The following NTRK2 variants were observed in gnomAD, a reference collection of about 807,000 sequenced individuals.
The protein encoded by NTRK2 is BDNF/NT-3 growth factors receptor.
A neutral mutation model predicts 94.5 loss-of-function variants in NTRK2; 13 were observed. That is an observed-to-expected ratio of 0.14 (90% CI 0.09 to 0.22). The LOEUF (loss-of-function observed/expected upper bound fraction) is 0.22, where lower values mean the gene tolerates loss of function less well. Among genes scored for constraint, NTRK2 ranks in the 10% least tolerant of loss-of-function variants. The pLI is 1.00. For missense variants in NTRK2, 639 were observed against 1,071.2 expected, an observed-to-expected ratio of 0.60 and a Z score of 5.63; for synonymous variants, 372 against 407.4, an observed-to-expected ratio of 0.91 and a Z score of 1.05.
At chr9:84,694,085 G>A (rs2060214270) in intron 2 of NTRK2, among the ~76,000 whole-genome samples, 1 of 152,194 alleles carries the variant, frequency 6.6e-6, no homozygotes. Flanking sequence ...TTATCGTGAA[G>A]GTGCTGGATT....
chr9:84,978,019 C>A (rs1032939905), intron 17 of NTRK2, among the ~76,000 whole-genome samples: 3 of 152,182 alleles, frequency 2.0e-5, no homozygotes, highest in Non-Finnish European at 4.4e-5. Flanking sequence ...GCTCTACCAA[C>A]TGGATATTTG....
At chr9:84,905,764 T>C (rs56101711) in intron 14 of NTRK2, among the ~76,000 whole-genome samples, 9,753 of 152,120 alleles carry the variant, frequency 0.064, 945 homozygotes, top group African/African-American at 0.21. Context: ...TAAATTAATA[T>C]AGATCTGAAA....
intron 12 of NTRK2, among the ~76,000 whole-genome samples, chr9:84,807,903 A>T (rs2071305383): frequency 6.6e-6 from 1 of 152,198 alleles, no homozygotes; most frequent in African/African-American, 2.4e-5. Context: ...GGTATGAAAG[A>T]GTAGGGTGAC....
intron 17 of NTRK2, among the ~76,000 whole-genome samples, chr9:85,017,188 A>T (rs1832330240): frequency 6.6e-6 from 1 of 152,216 alleles, no homozygotes; most frequent in Non-Finnish European, 1.5e-5. Flanking sequence ...TTCTGGAGTA[A>T]GTAAGAGAGT....
At position 84,727,971 on chromosome 9, in the gene NTRK2, A is replaced by T. The variant is rs756314762; in HGVS notation, c.1159+12A>T. On this transcript the variant is annotated intron_variant, in intron 9 of 18. Transcript: ENST00000277120. ...TGGAATTGACGATGGTGAGTAACTG[A>T]CACTTTTGTATGTGGGGAGAAGATA... 1.2e-6 allele frequency: 2 copies of T among 1,611,994 alleles called. No homozygotes were observed. Among genetic ancestry groups the T allele is most frequent in the Admixed American group, 3.3e-5 (2 of 59,996 alleles).
At chr9:84,812,957 T>C (rs2071977402) in intron 12 of NTRK2, 42 of 1,033,082 alleles carry the variant, frequency 4.1e-5, no homozygotes, top group Non-Finnish European at 4.8e-5. Flanking sequence ...TTCTTTTCTT[T>C]TTTTTAATCC....
At chr9:85,003,020 C>T (rs868131359) in intron 17 of NTRK2, among the ~76,000 whole-genome samples, 16 of 152,192 alleles carry the variant, frequency 1.1e-4, no homozygotes, top group Middle Eastern at 3.4e-3. Context: ...GAATCAGCCC[C>T]GAGAGAGCCT....
chr9:84,787,695 T>A (rs1185089919), intron 12 of NTRK2, among the ~76,000 whole-genome samples: 1 of 152,200 alleles, frequency 6.6e-6, no homozygotes, highest in Non-Finnish European at 1.5e-5. Flanking sequence ...TCTTAATATC[T>A]CAAAGCAAAA....
Position 85,023,305 on chromosome 9 carries a change from C to A in NTRK2, c.*1868C>A. ...AGCCAGATTGAAAGGGAGTGATTTT[C>A]ATTCATCTTAGGTCATGTTATTTCA... On this transcript the variant is annotated 3_prime_UTR_variant, in exon 19 of 19. Coordinates refer to ENST00000277120, the MANE Select transcript of NTRK2 (RefSeq NM_006180.6). 4.3e-6 allele frequency: 1 copy of A among 232,872 alleles called. No homozygotes were observed. Among genetic ancestry groups the A allele is most frequent in the Non-Finnish European group, 8.5e-6 (1 of 117,774 alleles). 14.4% of individuals were successfully genotyped at this position (232,872 alleles called of 1,614,324 possible). A position where few individuals can be genotyped will look rare whatever the true frequency, so the allele number is the denominator to read the frequency against.
At position 85,015,132 on chromosome 9, in the gene NTRK2, A is replaced by G. The variant is rs193106893; in HGVS notation, c.2173-5074A>G. Among the ~76,000 whole-genome samples, 20 of 152,294 alleles carry G rather than the reference A, an allele frequency of 1.3e-4. No individual in the cohort carries two copies. The East Asian group carries it at 3.7e-3, about 28-fold the overall frequency. On this transcript the variant is annotated intron_variant, in intron 17 of 18. Coordinates refer to ENST00000277120, the MANE Select transcript of NTRK2 (RefSeq NM_006180.6). ...TCTCTTAATTTTCTCCAGCCTCAGA[A>G]GAGATGTGATACTAGTAACTATCTT...
intron 12 of NTRK2, among the ~76,000 whole-genome samples, chr9:84,840,265 C>CTTTTT (rs1158579395): frequency 9.8e-6 from 1 of 101,848 alleles, no homozygotes. Flanking sequence ...ATTGACAATT[C>CTTTTT]TTTTTTTTTT....
intron 14 of NTRK2, among the ~76,000 whole-genome samples, chr9:84,904,564 A>G (rs896282028): frequency 6.6e-6 from 1 of 152,246 alleles, no homozygotes; most frequent in African/African-American, 2.4e-5. Context: ...GTTTTTATTC[A>G]AGCTCTGTTT....
At chr9:84,814,375 A>T in intron 12 of NTRK2, 5 of 1,065,396 alleles carry the variant, frequency 4.7e-6, no homozygotes, top group Non-Finnish European at 5.7e-6. Flanking sequence ...GAGAGAGAGC[A>T]TAATGGAGGG....
chr9:84,715,942 A>G (rs1486906933), intron 6 of NTRK2, among the ~76,000 whole-genome samples: 2 of 152,186 alleles, frequency 1.3e-5, no homozygotes, highest in African/African-American at 4.8e-5. Context: ...TTTAAATCTT[A>G]TCTGAGAGCT....
chr9:84,704,502 A>G (rs1191224895), intron 4 of NTRK2, among the ~76,000 whole-genome samples: 1 of 152,058 alleles, frequency 6.6e-6, no homozygotes, highest in African/African-American at 2.4e-5. Flanking sequence ...CTGGTATTAC[A>G]GGCTTGAGCC....
chr9:84,955,442 G>T lies in NTRK2; in HGVS notation c.2097G>T (p.Leu699=), dbSNP rs756786488. Residue 699 remains leucine, a synonymous_variant, in exon 17 of 19, where the codon CTG becomes CTT. Transcript: ENST00000277120. Reference sequence around the variant, plus strand: ...GCGATTTGGCCACCAGGAACTGCCTGGTCGGGGAGAACTTGCTGGTGAAAA... The same window carrying T: ...GCGATTTGGCCACCAGGAACTGCCTTGTCGGGGAGAACTTGCTGGTGAAAA... ...VHRDLATRNC[L]VGENLLVKIG... is the part of the protein sequence containing the mutation. 1.2e-6 allele frequency: 2 copies of T among 1,614,162 alleles called. No homozygotes were observed. Among genetic ancestry groups the T allele is most frequent in the African/African-American group, 2.7e-5 (2 of 74,960 alleles).
chr9:84,718,363 T>G (rs11790122), intron 6 of NTRK2, among the ~76,000 whole-genome samples: 1 of 152,096 alleles, frequency 6.6e-6, no homozygotes, highest in Non-Finnish European at 1.5e-5. Context: ...GATACCCTGG[T>G]GATTCATACA....
chr9:84,789,714 G>A (rs1015548645), intron 12 of NTRK2, among the ~76,000 whole-genome samples: 5 of 152,184 alleles, frequency 3.3e-5, no homozygotes, highest in Admixed American at 6.5e-5. Flanking sequence ...TTCTCCCTTA[G>A]CCCCTCTCTC....
intron 12 of NTRK2, among the ~76,000 whole-genome samples, chr9:84,769,052 A>C (rs1319094095): frequency 6.6e-6 from 1 of 152,148 alleles, no homozygotes; most frequent in Non-Finnish European, 1.5e-5. Context: ...AGTCAGGCCT[A>C]CTTGAGAAAG....
Sources: allele counts gnomAD v4.1 joint callset (sites outside exome capture counted in the v4.1 genomes callset), GRCh38; gene constraint gnomAD v4.1.1; transcripts MANE v1.5; gene names NCBI Gene and HGNC (gene_info 2026-07-23, HGNC 2026-07-21).